Variants in SUGCT observed in about 807,000 individuals in gnomAD.
SUGCT encodes the protein succinyl-CoA:glutarate-CoA transferase.
A neutral mutation model predicts 55.0 loss-of-function variants in SUGCT; 41 were observed. The observed-to-expected ratio is 0.74, with a 90% CI of 0.58 to 0.97. The LOEUF (loss-of-function observed/expected upper bound fraction) is 0.97, where lower values mean the gene tolerates loss of function less well. SUGCT is among the 50% of genes least tolerant of loss of function. SUGCT has a pLI of 0.00. For synonymous variants in SUGCT, 187 were observed against 200.4 expected, an observed-to-expected ratio of 0.93 and a Z score of 0.56; for missense variants, 568 against 547.8, an observed-to-expected ratio of 1.04 and a Z score of -0.37.
chr7:40,482,101 AT>A (rs1431580750), intron 11 of SUGCT, among the ~76,000 whole-genome samples: 2 of 152,172 alleles, frequency 1.3e-5, no homozygotes, highest in Non-Finnish European at 2.9e-5. Flanking sequence ...CCAAGAATGG[AT>A]TGTAGTGAAA....
At chr7:40,186,300 C>T (rs1404625412) in intron 3 of SUGCT, among the ~76,000 whole-genome samples, 1 of 150,394 alleles carries the variant, frequency 6.6e-6, no homozygotes. Flanking sequence ...GCTCTGTCCC[C>T]TAGGCTGGAG....
rs11387100 is a variant in SUGCT, at chr7:40,246,251, CT to C, written c.576+8537del. Among the ~76,000 whole-genome samples, 950 of 147,248 alleles carry C rather than the reference CT, an allele frequency of 6.5e-3. 8 individuals are homozygous for C. Among genetic ancestry groups the C allele is most frequent in the African/African-American group, 0.022 (885 of 40,078 alleles). ...TTTAAGTAGAACCATATAGCATGTTCTTTTTTTTTTTTCTTTGAGATGGAGT... is the reference window on the plus strand; with the variant it reads ...TTTAAGTAGAACCATATAGCATGTTCTTTTTTTTTTTCTTTGAGATGGAGT... On this transcript the variant is annotated intron_variant, in intron 7 of 13. Transcript: ENST00000335693.
At chr7:40,541,050 A>G (rs908753441) in intron 12 of SUGCT, among the ~76,000 whole-genome samples, 43 of 152,322 alleles carry the variant, frequency 2.8e-4, no homozygotes, top group African/African-American at 9.6e-4. Context: ...AAAATACCCT[A>G]TACCTTAAAG....
rs1036449424 is a variant in SUGCT at position 40,303,903 on chromosome 7, C to G, written c.721-12857C>G. Among the ~76,000 whole-genome samples, 8 of 151,992 alleles carry G rather than the reference C, an allele frequency of 5.3e-5. No individual in the cohort carries two copies. In the South Asian group the frequency reaches 1.5e-3, roughly 28 times the overall value. On this transcript the variant is annotated intron_variant, in intron 8 of 13. Coordinates refer to ENST00000335693, the MANE Select transcript of SUGCT (RefSeq NM_001193313.2). ...TTGAGGTCAGGAGTGTGAGACCAGC[C>G]TGGCCAACATGGCAAAACCCCGTCT...
the SUGCT span, among the ~76,000 whole-genome samples, chr7:41,015,182 C>T: frequency 0.3 from 45,144 of 151,934 alleles, 7,858 homozygotes; most frequent in Admixed American, 0.46. Flanking sequence ...AAGCAGAGAT[C>T]GAAGAAGAGG....
intron 9 of SUGCT, among the ~76,000 whole-genome samples, chr7:40,387,538 T>C (rs1785187013): frequency 6.6e-6 from 1 of 152,222 alleles, no homozygotes. Context: ...TAGATTGTTA[T>C]ATGGAATGGT....
intron 13 of SUGCT, among the ~76,000 whole-genome samples, chr7:40,778,793 A>G (rs1789586423): frequency 6.6e-6 from 1 of 152,208 alleles, no homozygotes; most frequent in Admixed American, 6.5e-5. Flanking sequence ...TTGTGTAGAA[A>G]CATATTTCTG....
chr7:40,863,034 T>G (rs920620231), downstream of SUGCT, among the ~76,000 whole-genome samples: 8 of 152,002 alleles, frequency 5.3e-5, no homozygotes, highest in Admixed American at 2.0e-4. Context: ...AAGTCAGCAA[T>G]TTGAGACCAG....
At chr7:40,269,070 G>T (rs1238337898) in intron 7 of SUGCT, among the ~76,000 whole-genome samples, 1 of 152,122 alleles carries the variant, frequency 6.6e-6, no homozygotes, top group East Asian at 1.9e-4. Context: ...CCCACCAATA[G>T]TACATGAAGG....
chr7:40,328,797 A>G (rs191188227), intron 9 of SUGCT, among the ~76,000 whole-genome samples: 1 of 152,028 alleles, frequency 6.6e-6, no homozygotes, highest in Non-Finnish European at 1.5e-5. Context: ...GAGAAAAGAG[A>G]CTGATTTCCT....
intron 12 of SUGCT, among the ~76,000 whole-genome samples, chr7:40,533,328 C>T (rs1317770791): frequency 6.6e-6 from 1 of 151,920 alleles, no homozygotes; most frequent in African/African-American, 2.4e-5. Context: ...AATTATTGCT[C>T]TCAAAATATA....
At chr7:40,315,878 T>C (rs985583463) in intron 8 of SUGCT, among the ~76,000 whole-genome samples, 6 of 152,196 alleles carry the variant, frequency 3.9e-5, no homozygotes, top group African/African-American at 1.4e-4. Flanking sequence ...TTTCCATAGT[T>C]CTGTGGTGGT....
At chr7:40,139,351 C>T (rs760261287) in intron 1 of SUGCT, among the ~76,000 whole-genome samples, 8 of 152,084 alleles carry the variant, frequency 5.3e-5, no homozygotes, top group South Asian at 2.1e-4. Context: ...TGTGTGCCAC[C>T]ACGCCTGGCT....
chr7:40,949,342 A>C, the SUGCT span, among the ~76,000 whole-genome samples: 3 of 152,020 alleles, frequency 2.0e-5, no homozygotes, highest in African/African-American at 7.3e-5. Context: ...CTCTTTGTAG[A>C]TTCTGGATAT....
At chr7:40,211,276 C>T (rs766870136) in intron 6 of SUGCT, among the ~76,000 whole-genome samples, 10 of 152,124 alleles carry the variant, frequency 6.6e-5, no homozygotes, top group East Asian at 1.9e-4. Context: ...GGCAATGGCA[C>T]GATCTTGGCT....
the SUGCT span, among the ~76,000 whole-genome samples, chr7:40,932,521 G>T: frequency 6.6e-6 from 1 of 152,084 alleles, no homozygotes; most frequent in Admixed American, 6.6e-5. Flanking sequence ...ACTGACAGTG[G>T]AGTGTTAAAG....
At chr7:40,449,923 A>G (rs773463127) in intron 10 of SUGCT, among the ~76,000 whole-genome samples, 5 of 152,194 alleles carry the variant, frequency 3.3e-5, no homozygotes, top group Non-Finnish European at 7.3e-5. Flanking sequence ...TAAAATAAAG[A>G]CCTTGGAATC....
chr7:40,165,783 A>G (rs561723027), intron 1 of SUGCT, among the ~76,000 whole-genome samples: 1 of 152,278 alleles, frequency 6.6e-6, no homozygotes, highest in South Asian at 2.1e-4. Context: ...GTAATAGATC[A>G]TGTGACTGTA....
intron 8 of SUGCT, among the ~76,000 whole-genome samples, chr7:40,288,638 C>T (rs999522923): frequency 3.4e-4 from 51 of 150,754 alleles, no homozygotes; most frequent in African/African-American, 1.1e-3. Context: ...TGCTTATTAC[C>T]GACACCTATA....
Sources: gnomAD v4.1 joint callset for allele counts (sites outside exome capture counted in the v4.1 genomes callset) on GRCh38, gnomAD v4.1.1 for gene constraint, MANE v1.5 for transcripts, NCBI Gene and HGNC (gene_info 2026-07-23, HGNC 2026-07-21) for gene names.